The following DENND1A variants were observed in gnomAD, a reference collection of about 807,000 sequenced individuals.
DENND1A encodes the protein DENN domain containing 1A.
Under a neutral mutation model 113.7 loss-of-function variants are expected in DENND1A, and 51 were observed. The observed-to-expected ratio is 0.45, with a 90% CI of 0.36 to 0.57. The LOEUF (loss-of-function observed/expected upper bound fraction) is 0.57. DENND1A is among the 20% of genes least tolerant of loss of function. The probability of loss-of-function intolerance (pLI) is 0.00; values close to 1 mark genes in which losing one functional copy is unlikely to be tolerated. For synonymous variants in DENND1A, 565 were observed against 570.8 expected (o/e 0.99, Z 0.14); for missense variants, 1,258 against 1,395.9 (o/e 0.90, Z 1.57).
intron 13 of DENND1A, among the ~76,000 whole-genome samples, chr9:123,550,898 C>T (rs1197806105): frequency 6.6e-6 from 1 of 152,196 alleles, no homozygotes; most frequent in Admixed American, 6.5e-5. Context: ...TCTTTTATCC[C>T]CTTCTTGCCA....
At chr9:123,735,310 C>T (rs969874084) in intron 5 of DENND1A, among the ~76,000 whole-genome samples, 1 of 152,212 alleles carries the variant, frequency 6.6e-6, no homozygotes, top group African/African-American at 2.4e-5. Flanking sequence ...TGTACACTCT[C>T]TCTCTCTCGC....
intron 5 of DENND1A, among the ~76,000 whole-genome samples, chr9:123,732,796 A>G (rs1335644227): frequency 1.3e-5 from 2 of 152,208 alleles, no homozygotes; most frequent in Non-Finnish European, 2.9e-5. Context: ...TGGAATGAGA[A>G]TCCTGCCAAG....
At chr9:123,455,207 C>A (rs537794365) in intron 15 of DENND1A, among the ~76,000 whole-genome samples, 1 of 152,318 alleles carries the variant, frequency 6.6e-6, no homozygotes, top group East Asian at 1.9e-4. Context: ...CGAGTCACTG[C>A]CAGAGGGTTT....
At chr9:123,744,846 G>C (rs2069349712) in intron 5 of DENND1A, among the ~76,000 whole-genome samples, 1 of 141,664 alleles carries the variant, frequency 7.1e-6, no homozygotes, top group Non-Finnish European at 1.5e-5. Context: ...TGCAATCTCA[G>C]CTCACTGCAA....
At chr9:123,450,800 G>C in intron 17 of DENND1A, 51 bp from the exon 18 acceptor site, 1 of 1,478,212 alleles carries the variant, frequency 6.8e-7, no homozygotes, top group African/African-American at 1.4e-5. Flanking sequence ...TTCCAGCAGG[G>C]ACTATGCTTG....
chr9:123,920,863 G>A (rs772558277), intron 1 of DENND1A, among the ~76,000 whole-genome samples: 19 of 151,938 alleles, frequency 1.3e-4, no homozygotes, highest in Middle Eastern at 3.2e-3. Context: ...GTGAGCTACC[G>A]GGCCTGGCTG....
At chr9:123,454,285 C>T (rs1329267747) in intron 16 of DENND1A, among the ~76,000 whole-genome samples, 3 of 152,148 alleles carry the variant, frequency 2.0e-5, no homozygotes, top group Non-Finnish European at 4.4e-5. Flanking sequence ...CGTTGGAAGC[C>T]CTATGCCCCT....
chr9:123,816,408 C>A (rs1217160557), intron 2 of DENND1A, among the ~76,000 whole-genome samples: 4 of 152,170 alleles, frequency 2.6e-5, no homozygotes, highest in Non-Finnish European at 5.9e-5. Context: ...TTCAAACTTT[C>A]ATCTGCACCA....
At chr9:123,603,456 C>T (rs1012178057) in intron 11 of DENND1A, among the ~76,000 whole-genome samples, 5 of 152,264 alleles carry the variant, frequency 3.3e-5, no homozygotes, top group Middle Eastern at 3.4e-3. Context: ...CTCTGAATGG[C>T]GGCTCAGTGC....
chr9:123,546,533 C>CAT (rs2056709921), intron 13 of DENND1A, among the ~76,000 whole-genome samples: 1 of 150,502 alleles, frequency 6.6e-6, no homozygotes, highest in South Asian at 2.1e-4. Flanking sequence ...GCCTGGGTGA[C>CAT]AGAGCGAGAC....
intron 11 of DENND1A, among the ~76,000 whole-genome samples, chr9:123,608,287 C>T (rs779704610): frequency 6.6e-6 from 1 of 152,152 alleles, no homozygotes; most frequent in Non-Finnish European, 1.5e-5. Flanking sequence ...CTTTCATTTT[C>T]GTAAGCACAA....
At chr9:123,717,905 A>G (rs1040391318) in intron 5 of DENND1A, among the ~76,000 whole-genome samples, 4 of 152,332 alleles carry the variant, frequency 2.6e-5, no homozygotes, top group Admixed American at 6.5e-5. Flanking sequence ...AAGGAGCTAC[A>G]AAGGCAATTT....
rs573485155 is a variant in DENND1A at position 123,382,216 on chromosome 9, C to T, written c.2429G>A (p.Ser810Asn). The T allele has an allele frequency of 2.5e-6, 4 of 1,609,476 alleles. No individual in the cohort carries two copies. The highest frequency in any genetic ancestry group is 4.5e-5 in the East Asian group (2 of 44,820). ...QTDRDRRAAL[S>N]PGLLPGVVPQ... ...GACAACACCAGGCAGGAGCCCTGGA[C>T]TCAGGGCAGCTCGCCTGTCCCGATC... The change falls in exon 24 of 24, where the codon AGT (serine) becomes AAT (asparagine). Residue 810 changes from serine to asparagine, a missense_variant. Physicochemically the swap from Ser to Asn is conservative, Grantham distance 46. Coordinates refer to ENST00000394215, the MANE Select transcript of DENND1A (RefSeq NM_001352964.2).
At chr9:123,915,725 G>C (rs1854974657) in intron 1 of DENND1A, among the ~76,000 whole-genome samples, 1 of 152,144 alleles carries the variant, frequency 6.6e-6, no homozygotes, top group Non-Finnish European at 1.5e-5. Context: ...ACTAAAAATA[G>C]GGTCAGTTAA....
At chr9:123,679,849 A>G (rs770340612) in intron 5 of DENND1A, among the ~76,000 whole-genome samples, 11 of 152,116 alleles carry the variant, frequency 7.2e-5, no homozygotes, top group Non-Finnish European at 1.6e-4. Flanking sequence ...ACTCTAGTAC[A>G]CTGCACCACC....
intron 1 of DENND1A, among the ~76,000 whole-genome samples, chr9:123,912,294 A>C (rs1319525508): frequency 6.6e-6 from 1 of 152,198 alleles, no homozygotes; most frequent in Non-Finnish European, 1.5e-5. Context: ...AGAGAAGCAG[A>C]ACAGCTAGTG....
intron 11 of DENND1A, among the ~76,000 whole-genome samples, chr9:123,588,299 A>G (rs2059283734): frequency 6.8e-6 from 1 of 147,010 alleles, no homozygotes; most frequent in South Asian, 2.1e-4. Context: ...AAAAAAAAAA[A>G]AAAAAATTAT....
intron 13 of DENND1A, among the ~76,000 whole-genome samples, chr9:123,554,672 C>T (rs2057322299): frequency 6.6e-6 from 1 of 152,204 alleles, no homozygotes; most frequent in South Asian, 2.1e-4. Context: ...GAAAGGCTGA[C>T]AGGTCTGCCA....
At chr9:123,391,867 CTG>C (rs1376257345) in intron 21 of DENND1A, among the ~76,000 whole-genome samples, 1 of 151,508 alleles carries the variant, frequency 6.6e-6, no homozygotes, top group Non-Finnish European at 1.5e-5. Context: ...ACACAAAGAG[CTG>C]TCTGTGAAAA....
Sources: allele counts gnomAD v4.1 joint callset (sites outside exome capture counted in the v4.1 genomes callset), GRCh38; gene constraint gnomAD v4.1.1; transcripts MANE v1.5; gene names NCBI Gene and HGNC (gene_info 2026-07-23, HGNC 2026-07-21).